The following PHACTR3 variants were observed in gnomAD, a reference collection of about 807,000 sequenced individuals.
PHACTR3 encodes phosphatase and actin regulator 3.
A neutral mutation model predicts 66.8 loss-of-function variants in PHACTR3; 16 were observed. The observed-to-expected ratio is 0.24, with a 90% CI of 0.16 to 0.36. The LOEUF (loss-of-function observed/expected upper bound fraction) is 0.36, where lower values mean the gene tolerates loss of function less well. Among genes scored for constraint, PHACTR3 ranks in the 10% least tolerant of loss-of-function variants. The pLI is 1.00. For synonymous variants in PHACTR3, 323 were observed against 292.1 expected (o/e 1.11, Z -1.08); for missense variants, 647 against 719.9 (o/e 0.90, Z 1.16).
chr20:59,754,354 G>T (rs543986663), intron 3 of PHACTR3, among the ~76,000 whole-genome samples: 1 of 152,314 alleles, frequency 6.6e-6, no homozygotes, highest in Non-Finnish European at 1.5e-5. Flanking sequence ...AAGGCTGCCT[G>T]TCAGACCTAG....
intron 7 of PHACTR3, among the ~76,000 whole-genome samples, chr20:59,786,642 C>T (rs944103563): frequency 2.6e-5 from 4 of 152,150 alleles, no homozygotes; most frequent in Non-Finnish European, 5.9e-5. Context: ...GTCTGTGGAG[C>T]ACTCTCTGTG....
chr20:59,769,895 G>A (rs2146879330), intron 5 of PHACTR3, among the ~76,000 whole-genome samples: 1 of 152,336 alleles, frequency 6.6e-6, no homozygotes, highest in Middle Eastern at 3.4e-3. Flanking sequence ...AGGCAAAACT[G>A]TGCTACTTTG....
intron 1 of PHACTR3, among the ~76,000 whole-genome samples, chr20:59,634,517 C>T (rs1402237613): frequency 1.3e-5 from 2 of 152,174 alleles, no homozygotes; most frequent in Admixed American, 1.3e-4. Flanking sequence ...AAGCCCTCAC[C>T]CTGGCCTGCT....
chr20:59,622,204 C>T (rs1205781627), intron 1 of PHACTR3, among the ~76,000 whole-genome samples: 2 of 151,324 alleles, frequency 1.3e-5, no homozygotes, highest in South Asian at 4.2e-4. Flanking sequence ...GAAAGGGACT[C>T]AGGGTCAAGG....
intron 7 of PHACTR3, among the ~76,000 whole-genome samples, chr20:59,779,108 T>C (rs563055594): frequency 2.0e-5 from 3 of 152,318 alleles, no homozygotes; most frequent in Admixed American, 2.0e-4. Context: ...GCTGGGCTCA[T>C]TGCACAAACT....
chr20:59,702,580 G>T (rs1407787849), intron 1 of PHACTR3, among the ~76,000 whole-genome samples: 1 of 152,136 alleles, frequency 6.6e-6, no homozygotes, highest in Non-Finnish European at 1.5e-5. Context: ...CTGTTTAGCT[G>T]GCCATCATCT....
chr20:59,624,163 C>T (rs6027005), intron 1 of PHACTR3, among the ~76,000 whole-genome samples: 5,707 of 152,070 alleles, frequency 0.038, 122 homozygotes, highest in Middle Eastern at 0.086. Flanking sequence ...GAAAATTGCC[C>T]CTCTTTTGGT....
At chr20:59,808,360 G>A (rs1419658166) in intron 8 of PHACTR3, among the ~76,000 whole-genome samples, 1 of 152,234 alleles carries the variant, frequency 6.6e-6, no homozygotes, top group Non-Finnish European at 1.5e-5. Context: ...CTTTCACCAG[G>A]CCAGATGGCA....
At chr20:59,737,875 A>G (rs986764430) in intron 1 of PHACTR3, among the ~76,000 whole-genome samples, 2 of 152,102 alleles carry the variant, frequency 1.3e-5, no homozygotes, top group Non-Finnish European at 2.9e-5. Context: ...AAAGGGAGAG[A>G]GGAGTGCAGT....
intron 8 of PHACTR3, among the ~76,000 whole-genome samples, chr20:59,815,797 A>T (rs1010242261): frequency 2.6e-5 from 4 of 151,964 alleles, no homozygotes; most frequent in African/African-American, 9.7e-5. Context: ...ATCTTTATGG[A>T]TCATGGGTCT....
chr20:59,820,991 G>A lies in PHACTR3; in HGVS notation c.1328+14797G>A, dbSNP rs896634382. On this transcript the variant is annotated intron_variant, in intron 8 of 12. Coordinates refer to ENST00000371015, the MANE Select transcript of PHACTR3 (RefSeq NM_080672.5). This position sits in a 1 kb window ranked among gnomAD's most constrained non-coding sequence, Gnocchi z 4.6. Reference sequence around the variant, plus strand: ...ACACAGTCCTGCTTCACCCAGGATCGGGGCTTAGCGTGTGTGAGTAGTAGT... The same window carrying A: ...ACACAGTCCTGCTTCACCCAGGATCAGGGCTTAGCGTGTGTGAGTAGTAGT... Among the ~76,000 whole-genome samples, 2 of 152,142 alleles carry A rather than the reference G, an allele frequency of 1.3e-5. No homozygotes were observed. The highest frequency in any genetic ancestry group is 2.4e-5 in the African/African-American group (1 of 41,426).
intron 2 of PHACTR3, among the ~76,000 whole-genome samples, chr20:59,743,884 C>T (rs2039268316): frequency 6.6e-6 from 1 of 152,206 alleles, no homozygotes; most frequent in Non-Finnish European, 1.5e-5. Flanking sequence ...TACACCCTCC[C>T]ACCAAAGCAT....
At chr20:59,685,180 C>G (rs1007700102) in intron 1 of PHACTR3, among the ~76,000 whole-genome samples, 4 of 152,238 alleles carry the variant, frequency 2.6e-5, no homozygotes, top group African/African-American at 9.6e-5. Flanking sequence ...TTCTGCCCTG[C>G]AGTGCTGTGG....
intron 10 of PHACTR3, among the ~76,000 whole-genome samples, chr20:59,840,731 T>G (rs1025036651): frequency 6.6e-6 from 1 of 152,232 alleles, no homozygotes; most frequent in African/African-American, 2.4e-5. Flanking sequence ...TTTTCTTAAT[T>G]TACAGTGTCT....
intron 7 of PHACTR3, among the ~76,000 whole-genome samples, chr20:59,789,718 A>G (rs913991551): frequency 2.0e-5 from 3 of 152,220 alleles, no homozygotes; most frequent in Non-Finnish European, 4.4e-5. Flanking sequence ...TGCTTGTGCA[A>G]AACAGACTCC....
chr20:59,583,749 G>GGAGGACC (rs2032931277), intron 1 of PHACTR3, among the ~76,000 whole-genome samples: 1 of 152,258 alleles, frequency 6.6e-6, no homozygotes, highest in African/African-American at 2.4e-5. Flanking sequence ...TGAGGGGATG[G>GGAGGACC]GAGGACCGGG....
chr20:59,644,333 C>T (rs1555882431), intron 1 of PHACTR3, among the ~76,000 whole-genome samples: 1 of 152,208 alleles, frequency 6.6e-6, no homozygotes, highest in Non-Finnish European at 1.5e-5. Context: ...GAATTAACTT[C>T]TATTTGTTGT....
chr20:59,580,873 A>T (rs1000543593), intron 1 of PHACTR3, among the ~76,000 whole-genome samples: 1 of 152,236 alleles, frequency 6.6e-6, no homozygotes, highest in African/African-American at 2.4e-5. Flanking sequence ...GACACACAGA[A>T]GCAAAAGGGC....
At chr20:59,722,163 C>T (rs1232687979) in intron 1 of PHACTR3, among the ~76,000 whole-genome samples, 6 of 152,116 alleles carry the variant, frequency 3.9e-5, no homozygotes, top group South Asian at 2.1e-4. Context: ...ACCTGGGAGG[C>T]GGAGCTTGCA....
Sources: allele counts gnomAD v4.1 joint callset (sites outside exome capture counted in the v4.1 genomes callset), GRCh38; gene constraint gnomAD v4.1.1; non-coding constraint Gnocchi (gnomAD v3.1); transcripts MANE v1.5; gene names NCBI Gene and HGNC (gene_info 2026-07-23, HGNC 2026-07-21).